The following CYP39A1 variants were observed in gnomAD, a reference collection of about 807,000 sequenced individuals.
CYP39A1 encodes cytochrome P450 family 39 subfamily A member 1, also known as 24-hydroxycholesterol 7-alpha-hydroxylase.
CYP39A1 carries 49 observed loss-of-function variants against 58.1 expected under a neutral mutation model. That is an observed-to-expected ratio of 0.84 (90% CI 0.67 to 1.07). The LOEUF (loss-of-function observed/expected upper bound fraction) is 1.07. Ranked by LOEUF, CYP39A1 falls within the 50% of genes least tolerant of loss-of-function variation. The probability of loss-of-function intolerance (pLI) is 0.00; values close to 1 mark genes in which losing one functional copy is unlikely to be tolerated. For missense variants in CYP39A1, 531 were observed against 539.4 expected, an observed-to-expected ratio of 0.98 and a Z score of 0.16; for synonymous variants, 209 against 187.6, an observed-to-expected ratio of 1.11 and a Z score of -0.93.
chr6:46,598,993 C>G (rs1040473158), intron 7 of CYP39A1, among the ~76,000 whole-genome samples: 2 of 152,184 alleles, frequency 1.3e-5, no homozygotes, highest in African/African-American at 4.8e-5. Context: ...TCTACTTTTA[C>G]TCCATAGCTA....
intron 7 of CYP39A1, among the ~76,000 whole-genome samples, chr6:46,599,180 A>G (rs942568895): frequency 6.6e-6 from 1 of 152,130 alleles, no homozygotes; most frequent in Non-Finnish European, 1.5e-5. Context: ...CTGAGTATGA[A>G]GATGTAGGTC....
At chr6:46,624,322 GC>G (rs1459978345) in intron 7 of CYP39A1, among the ~76,000 whole-genome samples, 1 of 152,154 alleles carries the variant, frequency 6.6e-6, no homozygotes, top group Admixed American at 6.5e-5. Flanking sequence ...GTGGGCATGT[GC>G]CTTTCTATTT....
intron 10 of CYP39A1, among the ~76,000 whole-genome samples, chr6:46,577,209 C>T (rs1248863042): frequency 6.6e-6 from 1 of 152,178 alleles, no homozygotes; most frequent in Non-Finnish European, 1.5e-5. Context: ...GAAATAAAAT[C>T]CTTTTCAGAC....
At chr6:46,593,829 C>T (rs1284920723) in intron 8 of CYP39A1, among the ~76,000 whole-genome samples, 11 of 152,140 alleles carry the variant, frequency 7.2e-5, no homozygotes, top group Non-Finnish European at 1.5e-5. Flanking sequence ...CTGCCATGTG[C>T]ACATACCCTT....
At chr6:46,562,283 A>G (rs9472783) in intron 10 of CYP39A1, among the ~76,000 whole-genome samples, 17,386 of 151,956 alleles carry the variant, frequency 0.11, 1,000 homozygotes, top group Middle Eastern at 0.17. Flanking sequence ...TTGGCCTCCC[A>G]AAGTGCTGGG....
chr6:46,562,625 CAAAT>C (rs1582295032), intron 10 of CYP39A1, among the ~76,000 whole-genome samples: 1 of 150,868 alleles, frequency 6.6e-6, no homozygotes, highest in Admixed American at 6.6e-5. Context: ...ATAAAATAAA[CAAAT>C]AAATAAATAA....
chr6:46,616,186 TCTTCTTTCC>T (rs1561994100), intron 7 of CYP39A1, among the ~76,000 whole-genome samples: 7 of 19,340 alleles, frequency 3.6e-4, no homozygotes, highest in Non-Finnish European at 5.2e-4. Flanking sequence ...TTTCTTTCTT[TCTTCTTTCC>T]CTCCCTCCCT....
intron 11 of CYP39A1, among the ~76,000 whole-genome samples, chr6:46,550,819 G>A (rs1449178229): frequency 6.6e-6 from 1 of 152,152 alleles, no homozygotes; most frequent in Admixed American, 6.5e-5. Context: ...GGTTACAGGT[G>A]TTTAAAGAAT....
chr6:46,594,345 G>T (rs918560711), intron 8 of CYP39A1, among the ~76,000 whole-genome samples: 1 of 151,798 alleles, frequency 6.6e-6, no homozygotes, highest in African/African-American at 2.4e-5. Context: ...AAAAACATAT[G>T]AAACTACAAA....
chr6:46,596,131 A>T lies in CYP39A1; in HGVS notation c.932-11T>A, dbSNP rs779113223. 1.0e-5 allele frequency: 16 copies of T among 1,591,726 alleles called. No individual in the cohort carries two copies. The Admixed American group carries it at 2.3e-4, about 23-fold the overall frequency. ...TAATCTTATCTTTGCCTGTAAAAAA[A>T]TTTTTAATGAGAAATAAATAGACTA... is the stretch of plus-strand genomic sequence containing the variant. On this transcript the variant is annotated splice_polypyrimidine_tract_variant and intron_variant, in intron 7 of 11. Coordinates refer to ENST00000275016, the MANE Select transcript of CYP39A1 (RefSeq NM_016593.5).
chr6:46,639,803 T>A, intron 2 of CYP39A1, 135 bp from the exon 3 acceptor site: 1 of 664,452 alleles, frequency 1.5e-6, no homozygotes, highest in South Asian at 2.1e-5. Flanking sequence ...CTCCCATAAA[T>A]AAAAGTAGAT....
chr6:46,603,272 T>A (rs920362880), intron 7 of CYP39A1, among the ~76,000 whole-genome samples: 1 of 152,224 alleles, frequency 6.6e-6, no homozygotes, highest in Non-Finnish European at 1.5e-5. Context: ...AAGCTGGAAC[T>A]GCCTTTCCTT....
chr6:46,571,222 T>C (rs1228038063), intron 10 of CYP39A1, among the ~76,000 whole-genome samples: 3 of 152,156 alleles, frequency 2.0e-5, no homozygotes, highest in Non-Finnish European at 1.5e-5. Flanking sequence ...ATGTTCTGTA[T>C]ATGTCTGTTA....
intron 10 of CYP39A1, among the ~76,000 whole-genome samples, chr6:46,570,371 T>C (rs1410236889): frequency 6.6e-6 from 1 of 152,194 alleles, no homozygotes; most frequent in Non-Finnish European, 1.5e-5. Context: ...CTGCCAACTT[T>C]GTGCTTCATT....
At chr6:46,614,687 A>T (rs1774424439) in intron 7 of CYP39A1, among the ~76,000 whole-genome samples, 1 of 151,818 alleles carries the variant, frequency 6.6e-6, no homozygotes, top group Non-Finnish European at 1.5e-5. Context: ...TCTATATTTT[A>T]TCAGCAAGAT....
At chr6:46,560,610 A>G (rs1379552935) in intron 10 of CYP39A1, among the ~76,000 whole-genome samples, 1 of 152,158 alleles carries the variant, frequency 6.6e-6, no homozygotes, top group Non-Finnish European at 1.5e-5. Flanking sequence ...TAGATATCCA[A>G]AGAAGATGTT....
At chr6:46,616,030 T>G (rs1377305203) in intron 7 of CYP39A1, among the ~76,000 whole-genome samples, 6 of 71,852 alleles carry the variant, frequency 8.4e-5, no homozygotes, top group Non-Finnish European at 1.1e-4. Flanking sequence ...CCTCCCTCCC[T>G]CCTTTCCTCC....
At chr6:46,620,030 A>C (rs1481768619) in intron 7 of CYP39A1, among the ~76,000 whole-genome samples, 2 of 152,166 alleles carry the variant, frequency 1.3e-5, no homozygotes, top group Non-Finnish European at 2.9e-5. Context: ...ATTTGGTAAA[A>C]ATTCTAAGTA....
chr6:46,572,656 G>A (rs898829363), intron 10 of CYP39A1, among the ~76,000 whole-genome samples: 7 of 152,018 alleles, frequency 4.6e-5, no homozygotes, highest in East Asian at 3.9e-4. Flanking sequence ...TCTTTGGGTC[G>A]AACATGTTTG....
Sources: allele counts gnomAD v4.1 joint callset (sites outside exome capture counted in the v4.1 genomes callset), GRCh38; gene constraint gnomAD v4.1.1; transcripts MANE v1.5; gene names NCBI Gene and HGNC (gene_info 2026-07-23, HGNC 2026-07-21).